Variants in DEPTOR observed in about 807,000 individuals in gnomAD.
The protein encoded by DEPTOR is DEP domain-containing mTOR-interacting protein.
DEPTOR carries 41 observed loss-of-function variants against 41.6 expected under a neutral mutation model. That is an observed-to-expected ratio of 0.98 (90% CI 0.77 to 1.28). The LOEUF (loss-of-function observed/expected upper bound fraction) is 1.28, where lower values mean the gene tolerates loss of function less well. DEPTOR is among the 50% of genes most tolerant of loss of function. The pLI is 0.00. For synonymous variants in DEPTOR, 195 were observed against 192.3 expected, an observed-to-expected ratio of 1.01 and a Z score of -0.12; for missense variants, 514 against 527.9, an observed-to-expected ratio of 0.97 and a Z score of 0.26.
intron 1 of DEPTOR, among the ~76,000 whole-genome samples, chr8:119,907,492 C>T (rs1339281991): frequency 6.6e-6 from 1 of 151,986 alleles, no homozygotes; most frequent in Non-Finnish European, 1.5e-5. Flanking sequence ...AAATAGACAC[C>T]ATGATTCCTG....
intron 3 of DEPTOR, among the ~76,000 whole-genome samples, chr8:119,931,283 G>A (rs1256913273): frequency 1.3e-5 from 2 of 152,106 alleles, no homozygotes; most frequent in Non-Finnish European, 2.9e-5. Flanking sequence ...GTAAGGGTCT[G>A]GGTGGGTGTC....
At chr8:120,030,496 A>ATTTTTT (rs1812870115) in intron 8 of DEPTOR, among the ~76,000 whole-genome samples, 4 of 30,918 alleles carry the variant, frequency 1.3e-4, no homozygotes, top group Non-Finnish European at 2.1e-4. Flanking sequence ...TAGGTTCATC[A>ATTTTTT]GTTTTTTTTT....
chr8:120,045,640 G>T (rs1323850129), intron 8 of DEPTOR, among the ~76,000 whole-genome samples: 1 of 152,204 alleles, frequency 6.6e-6, no homozygotes, highest in East Asian at 1.9e-4. Context: ...CTCCCAAAGT[G>T]CTAGGATTGC....
intron 8 of DEPTOR, among the ~76,000 whole-genome samples, chr8:120,044,071 CAAAAAAA>C (rs371815554): frequency 1.1e-5 from 1 of 90,220 alleles, no homozygotes; most frequent in Non-Finnish European, 2.6e-5. Flanking sequence ...GCTAGCCTAA[CAAAAAAA>C]AAAAAGAAAA....
intron 8 of DEPTOR, among the ~76,000 whole-genome samples, chr8:120,015,480 G>A (rs947171717): frequency 1.2e-4 from 19 of 152,158 alleles, no homozygotes; most frequent in Non-Finnish European, 1.6e-4. Context: ...CAGGCCCGGT[G>A]TTTGGTAAGG....
At chr8:120,007,044 C>T (rs530741973) in intron 7 of DEPTOR, among the ~76,000 whole-genome samples, 169 bp downstream of exon 7, 1 of 152,300 alleles carries the variant, frequency 6.6e-6, no homozygotes, top group South Asian at 2.1e-4. Flanking sequence ...CACTAAGGTG[C>T]ATTAGGACTT....
intron 8 of DEPTOR, among the ~76,000 whole-genome samples, chr8:120,017,515 C>T (rs1478606871): frequency 6.6e-6 from 1 of 152,172 alleles, no homozygotes; most frequent in Non-Finnish European, 1.5e-5. Context: ...AATTTGTATT[C>T]TTGTTGGAGT....
intron 8 of DEPTOR, among the ~76,000 whole-genome samples, chr8:120,040,436 C>T (rs1456413164): frequency 2.6e-5 from 4 of 151,872 alleles, no homozygotes; most frequent in South Asian, 2.1e-4. Flanking sequence ...ATTAGCCGGG[C>T]GTGGTGGTGG....
chr8:120,000,122 G>A (rs867302510), intron 4 of DEPTOR, among the ~76,000 whole-genome samples: 1 of 152,024 alleles, frequency 6.6e-6, no homozygotes, highest in Non-Finnish European at 1.5e-5. Context: ...ACTCTTTGCC[G>A]ATTTTTTTTA....
intron 1 of DEPTOR, among the ~76,000 whole-genome samples, chr8:119,894,218 C>T (rs1347776065): frequency 2.6e-5 from 4 of 151,622 alleles, no homozygotes; most frequent in Admixed American, 6.6e-5. Flanking sequence ...ACACCACACC[C>T]AGCTAATTAA....
intron 4 of DEPTOR, among the ~76,000 whole-genome samples, chr8:119,972,423 G>C (rs1443598397): frequency 6.6e-6 from 1 of 152,128 alleles, no homozygotes; most frequent in Non-Finnish European, 1.5e-5. Flanking sequence ...AGGAGTTCAA[G>C]ACCTGCTTAA....
At chr8:120,002,582 C>A (rs766821124) in intron 5 of DEPTOR, among the ~76,000 whole-genome samples, 1 of 151,056 alleles carries the variant, frequency 6.6e-6, no homozygotes, top group Admixed American at 6.6e-5. Context: ...GTTATCCACC[C>A]GTTATCAGGG....
intron 1 of DEPTOR, among the ~76,000 whole-genome samples, chr8:119,888,404 A>G (rs552929175): frequency 9.8e-5 from 15 of 152,326 alleles, no homozygotes; most frequent in African/African-American, 3.4e-4. Flanking sequence ...GAAAAGCTAT[A>G]GAAAAGATTG....
At chr8:119,894,384 T>TCTTATTTATTTATTTA (rs373518691) in intron 1 of DEPTOR, among the ~76,000 whole-genome samples, 3 of 46,412 alleles carry the variant, frequency 6.5e-5, no homozygotes, top group Admixed American at 8.8e-4. Flanking sequence ...AATAGTTCTT[T>TCTTATTTATTTATTTA]TTTATTTATT....
chr8:119,930,604 C>G (rs1232715721), intron 3 of DEPTOR, among the ~76,000 whole-genome samples: 1 of 152,124 alleles, frequency 6.6e-6, no homozygotes, highest in Non-Finnish European at 1.5e-5. Context: ...ACTGGAGAAG[C>G]AGCATCGAGA....
At chr8:120,043,475 T>C (rs1813110977) in intron 8 of DEPTOR, among the ~76,000 whole-genome samples, 2 of 152,196 alleles carry the variant, frequency 1.3e-5, no homozygotes, top group South Asian at 4.1e-4. Flanking sequence ...TGAAAGAAGC[T>C]AAACATCAAC....
rs11321209 is a variant in DEPTOR at position 119,954,625 on chromosome 8, CT to C, written c.426-10603del. 4.5e-3 allele frequency among the ~76,000 whole-genome samples: 690 copies of C among 152,210 alleles called. 2 individuals carry two copies. The highest frequency in any genetic ancestry group is 0.016 in the African/African-American group (650 of 41,532). On this transcript the variant is annotated intron_variant, in intron 3 of 8. Coordinates refer to ENST00000286234, the MANE Select transcript of DEPTOR (RefSeq NM_022783.4). ...CAGGTTACACAGGGCCTCCTCAGCT[CT>C]TTTGAATTTTTTTTCCCAGTGTACA...
chr8:119,939,463 A>G (rs966210444), intron 3 of DEPTOR, among the ~76,000 whole-genome samples: 1 of 152,190 alleles, frequency 6.6e-6, no homozygotes. Context: ...AAGTGGTGGG[A>G]GGCAACCTCT....
At chr8:119,882,842 G>A (rs1421619761) in intron 1 of DEPTOR, among the ~76,000 whole-genome samples, 2 of 152,076 alleles carry the variant, frequency 1.3e-5, no homozygotes, top group African/African-American at 4.8e-5. Context: ...CTTTCTACAC[G>A]GTAATTATAC....
Sources: gnomAD v4.1 joint callset for allele counts (sites outside exome capture counted in the v4.1 genomes callset) on GRCh38, gnomAD v4.1.1 for gene constraint, MANE v1.5 for transcripts, NCBI Gene and HGNC (gene_info 2026-07-23, HGNC 2026-07-21) for gene names.